The following BCAS3 variants were observed in gnomAD, a reference collection of about 807,000 sequenced individuals.
The protein encoded by BCAS3 is BCAS4/BCAS3 fusion.
In BCAS3, 53 loss-of-function variants were observed where a neutral mutation model predicts 116.1. The observed-to-expected ratio is 0.46, with a 90% confidence interval of 0.37 to 0.57. The LOEUF (loss-of-function observed/expected upper bound fraction) is 0.57, where lower values mean the gene tolerates loss of function less well. BCAS3 is among the 20% of genes least tolerant of loss of function. The pLI, the probability that BCAS3 is intolerant of heterozygous loss-of-function variation, is 0.00. For missense variants in BCAS3, 917 were observed against 1,165.4 expected, an observed-to-expected ratio of 0.79 and a Z score of 3.10; for synonymous variants, 391 against 408.2, an observed-to-expected ratio of 0.96 and a Z score of 0.51.
At position 60,960,821 on chromosome 17, in the gene BCAS3, A is replaced by G. The variant is rs1263993731; in HGVS notation, c.1221+13469A>G. 6.6e-6 allele frequency among the ~76,000 whole-genome samples: 1 copy of G among 151,708 alleles called. No individual in the cohort carries two copies. Among genetic ancestry groups the G allele is most frequent in the Non-Finnish European group, 1.5e-5 (1 of 67,992 alleles). On this transcript the variant is annotated intron_variant, in intron 14 of 23. Coordinates refer to ENST00000407086, the MANE Select transcript of BCAS3 (RefSeq NM_017679.5). The surrounding 1 kb of genome is among the most constrained non-coding windows in gnomAD (Gnocchi z 4.1). Reference sequence around the variant, plus strand: ...ATCATGCCTTTGTGCCTTTCAGTCCAAGATGGCGGTGTTTCTGCAGATACT... The same window carrying G: ...ATCATGCCTTTGTGCCTTTCAGTCCGAGATGGCGGTGTTTCTGCAGATACT...
At chr17:60,894,362 A>G (rs1307478527) in intron 10 of BCAS3, among the ~76,000 whole-genome samples, 1 of 152,070 alleles carries the variant, frequency 6.6e-6, no homozygotes, top group African/African-American at 2.4e-5. Context: ...CCTCTTTGCT[A>G]GATCATTATT....
intron 19 of BCAS3, among the ~76,000 whole-genome samples, chr17:61,071,315 T>C (rs1181892329): frequency 1.3e-5 from 2 of 152,242 alleles, no homozygotes; most frequent in Admixed American, 1.3e-4. Context: ...TCCTAAGCTC[T>C]CAAATGAAAA....
At chr17:60,845,914 G>A (rs1207659010) in intron 7 of BCAS3, among the ~76,000 whole-genome samples, 1 of 149,844 alleles carries the variant, frequency 6.7e-6, no homozygotes, top group Non-Finnish European at 1.5e-5. Flanking sequence ...CCACAGGTAT[G>A]TACCACTGTA....
At chr17:60,759,551 T>C (rs1183769633) in intron 6 of BCAS3, among the ~76,000 whole-genome samples, 1 of 152,128 alleles carries the variant, frequency 6.6e-6, no homozygotes, top group Non-Finnish European at 1.5e-5. Context: ...ATCTGGATGA[T>C]CCAGTGTTGG....
At chr17:61,236,253 A>C (rs1401244870) in intron 22 of BCAS3, among the ~76,000 whole-genome samples, 1 of 152,336 alleles carries the variant, frequency 6.6e-6, no homozygotes, top group Non-Finnish European at 1.5e-5. Context: ...GTGGGAGGAC[A>C]GGGGCAAGTT....
intron 12 of BCAS3, among the ~76,000 whole-genome samples, chr17:60,911,102 A>C (rs2058469883): frequency 1.0e-5 from 1 of 96,274 alleles, no homozygotes; most frequent in East Asian, 2.8e-4. Context: ...AAGATTAATA[A>C]ATTTTTTTCT....
At chr17:60,728,726 G>A (rs761624313) in intron 5 of BCAS3, among the ~76,000 whole-genome samples, 8 of 151,952 alleles carry the variant, frequency 5.3e-5, no homozygotes, top group Non-Finnish European at 1.0e-4. Context: ...GCAATCTACC[G>A]CCTCAGCTTC....
intron 7 of BCAS3, among the ~76,000 whole-genome samples, chr17:60,855,566 T>A (rs2053606941): frequency 6.6e-6 from 1 of 151,580 alleles, no homozygotes. Context: ...GCCATTCTCC[T>A]GCCTCAGCCT....
At position 61,210,222 on chromosome 17, in the gene BCAS3, T is replaced by C. The variant is rs557354984; in HGVS notation, c.2425+125658T>C. Reference sequence around the variant, plus strand: ...ATTATTGGCACCTATTGACCTGATATGTGCTCACATCATCACTGTGGTGGA... The same window carrying C: ...ATTATTGGCACCTATTGACCTGATACGTGCTCACATCATCACTGTGGTGGA... On this transcript the variant is annotated intron_variant, in intron 22 of 23. Coordinates refer to ENST00000407086, the MANE Select transcript of BCAS3 (RefSeq NM_017679.5). Among the ~76,000 whole-genome samples, 125 of 152,366 alleles carry C rather than the reference T, an allele frequency of 8.2e-4. 1 individual carries two copies. The highest frequency in any genetic ancestry group is 2.9e-3 in the African/African-American group (120 of 41,592).
intron 22 of BCAS3, among the ~76,000 whole-genome samples, chr17:61,149,257 C>A (rs7211909): frequency 0.084 from 12,826 of 151,834 alleles, 1,849 homozygotes; most frequent in African/African-American, 0.29. Context: ...ACCTGCTTTC[C>A]GCTGGTAAGA....
chr17:60,835,144 A>G (rs2051260688), intron 7 of BCAS3, among the ~76,000 whole-genome samples: 2 of 152,030 alleles, frequency 1.3e-5, no homozygotes, highest in African/African-American at 4.8e-5. Flanking sequence ...TCTAATGGAC[A>G]TTAAATTCAT....
chr17:61,011,047 T>C (rs2065078968), intron 15 of BCAS3, among the ~76,000 whole-genome samples: 1 of 151,994 alleles, frequency 6.6e-6, no homozygotes, highest in Non-Finnish European at 1.5e-5. Context: ...GAAAGTATAA[T>C]AGTGTGTGAA....
In BCAS3 at chr17:61,131,275, A is replaced by G. The variant is rs187493233; in HGVS notation, c.2425+46711A>G. Among the ~76,000 whole-genome samples, 2 of 152,304 alleles carry G rather than the reference A, an allele frequency of 1.3e-5. No individual in the cohort carries two copies. The highest frequency in any genetic ancestry group is 1.5e-5 in the Non-Finnish European group (1 of 68,028). On this transcript the variant is annotated intron_variant, in intron 22 of 23. Transcript: ENST00000407086. The surrounding 1 kb of genome is among the most constrained non-coding windows in gnomAD (Gnocchi z 4.4). ...AACACTCGTATCATAGACATTAGAGAGTTCTTACTTGGAAAGTTTCATTTC... is the reference window on the plus strand; with the variant it reads ...AACACTCGTATCATAGACATTAGAGGGTTCTTACTTGGAAAGTTTCATTTC...
chr17:60,849,105 C>A (rs576958936), intron 7 of BCAS3, among the ~76,000 whole-genome samples: 1 of 152,254 alleles, frequency 6.6e-6, no homozygotes, highest in East Asian at 1.9e-4. Context: ...TAGATACACA[C>A]AAAACCGTTT....
At chr17:61,301,896 T>C (rs1280864580) in intron 22 of BCAS3, among the ~76,000 whole-genome samples, 1 of 152,164 alleles carries the variant, frequency 6.6e-6, no homozygotes, top group Non-Finnish European at 1.5e-5. Flanking sequence ...ATACTTTCTT[T>C]ACAGTGTAAA....
intron 12 of BCAS3, among the ~76,000 whole-genome samples, chr17:60,917,866 T>C (rs2058855790): frequency 6.6e-6 from 1 of 152,224 alleles, no homozygotes; most frequent in Non-Finnish European, 1.5e-5. Context: ...GTGCTGGGAT[T>C]ACAAGCATGA....
chr17:61,257,951 A>G (rs1333057367), intron 22 of BCAS3, among the ~76,000 whole-genome samples: 1 of 152,210 alleles, frequency 6.6e-6, no homozygotes, highest in Non-Finnish European at 1.5e-5. Context: ...TTCTTAGATC[A>G]ATTCTTTGCT....
At position 61,117,513 on chromosome 17, in the gene BCAS3, T is replaced by G. The variant is rs1352514928; in HGVS notation, c.2425+32949T>G. 2.6e-5 allele frequency among the ~76,000 whole-genome samples: 4 copies of G among 152,190 alleles called. No individual in the cohort carries two copies. In the East Asian group the frequency reaches 7.7e-4, roughly 29 times the overall value. On this transcript the variant is annotated intron_variant, in intron 22 of 23. Coordinates refer to ENST00000407086, the MANE Select transcript of BCAS3 (RefSeq NM_017679.5). ...GGGAGGCCGAGGGAAGGAGAATTGC[T>G]TGAGCCCAGAGTTTGAGGCTGTAGT...
At chr17:60,693,266 C>A (rs2035110968) in intron 4 of BCAS3, among the ~76,000 whole-genome samples, 1 of 151,970 alleles carries the variant, frequency 6.6e-6, no homozygotes, top group Non-Finnish European at 1.5e-5. Context: ...CTGTCAAATT[C>A]TCTAAAGGTG....
Sources: allele counts gnomAD v4.1 joint callset (sites outside exome capture counted in the v4.1 genomes callset), GRCh38; gene constraint gnomAD v4.1.1; non-coding constraint Gnocchi (gnomAD v3.1); transcripts MANE v1.5; gene names NCBI Gene and HGNC (gene_info 2026-07-23, HGNC 2026-07-21).